FSTL4: variants seen among roughly 807,000 people sequenced by gnomAD.
FSTL4 encodes the protein follistatin like 4, also known as follistatin-related protein 4.
Under a neutral mutation model 78.2 loss-of-function variants are expected in FSTL4, and 28 were observed. That is an observed-to-expected ratio of 0.36 (90% confidence interval 0.27 to 0.49). The LOEUF (loss-of-function observed/expected upper bound fraction) is 0.49, where lower values mean the gene tolerates loss of function less well. Among genes scored for constraint, FSTL4 ranks in the 20% least tolerant of loss-of-function variants. The probability of loss-of-function intolerance (pLI) is 0.98; values close to 1 mark genes in which losing one functional copy is unlikely to be tolerated. For missense variants in FSTL4, 922 were observed against 1,084.9 expected (o/e 0.85, Z 2.11); for synonymous variants, 422 against 440.5 (o/e 0.96, Z 0.53).
chr5:133,618,022 G>A, the FSTL4 span, among the ~76,000 whole-genome samples: 131 of 152,238 alleles, frequency 8.6e-4, no homozygotes, highest in Admixed American at 7.8e-3. Flanking sequence ...GTAGCCCTTC[G>A]TTATCCACGG....
intron 4 of FSTL4, among the ~76,000 whole-genome samples, chr5:133,394,807 G>A (rs1019735433): frequency 6.6e-6 from 1 of 152,258 alleles, no homozygotes; most frequent in Non-Finnish European, 1.5e-5. Context: ...GAAGCCAGCT[G>A]GGCTCCTGAG....
chr5:133,592,507 G>A (rs1174636657), intron 2 of FSTL4, among the ~76,000 whole-genome samples: 2 of 152,144 alleles, frequency 1.3e-5, no homozygotes, highest in Non-Finnish European at 2.9e-5. Flanking sequence ...AAGTGTTTCT[G>A]TTCCTAAGAA....
intron 7 of FSTL4, among the ~76,000 whole-genome samples, chr5:133,239,996 G>A (rs114463196): frequency 1.3e-5 from 2 of 152,222 alleles, no homozygotes; most frequent in Admixed American, 6.5e-5. Flanking sequence ...GTGGCAACAC[G>A]CTGGGATTCC....
intron 7 of FSTL4, among the ~76,000 whole-genome samples, chr5:133,245,146 A>C (rs1752000595): frequency 6.6e-6 from 1 of 151,128 alleles, no homozygotes; most frequent in Non-Finnish European, 1.5e-5. Flanking sequence ...AAAAAAGGCA[A>C]AGTGAAGACA....
intron 3 of FSTL4, among the ~76,000 whole-genome samples, chr5:133,472,235 A>T (rs999875188): frequency 6.6e-6 from 1 of 152,252 alleles, no homozygotes; most frequent in Non-Finnish European, 1.5e-5. Flanking sequence ...TATCCAGCCG[A>T]TCTGTCAATC....
At chr5:133,296,109 T>TC (rs1379718311) in intron 6 of FSTL4, among the ~76,000 whole-genome samples, 2 of 152,060 alleles carry the variant, frequency 1.3e-5, no homozygotes, top group African/African-American at 4.8e-5. Flanking sequence ...CCACCCATGG[T>TC]CTCCTCTGTC....
chr5:133,573,076 C>G (rs529864059), intron 2 of FSTL4, among the ~76,000 whole-genome samples: 3 of 152,044 alleles, frequency 2.0e-5, no homozygotes, highest in South Asian at 4.2e-4. Context: ...AACCCTATCT[C>G]TACTAAAAAT....
chr5:133,539,961 TC>T, intron 3 of FSTL4, among the ~76,000 whole-genome samples: 1 of 151,390 alleles, frequency 6.6e-6, no homozygotes, highest in Middle Eastern at 3.5e-3. Context: ...TTTTTTTTTT[TC>T]TTTGATGAGG....
At chr5:133,488,822 T>C (rs2112865903) in intron 3 of FSTL4, among the ~76,000 whole-genome samples, 1 of 152,142 alleles carries the variant, frequency 6.6e-6, no homozygotes, top group South Asian at 2.1e-4. Context: ...CACCCCAATC[T>C]CATGGGCCCC....
chr5:133,467,573 C>T (rs1489345428), intron 3 of FSTL4, among the ~76,000 whole-genome samples: 1 of 152,180 alleles, frequency 6.6e-6, no homozygotes, highest in Non-Finnish European at 1.5e-5. Context: ...GCAGGGGCTG[C>T]TGCAGAAATC....
chr5:133,486,937 C>T (rs1285154881), intron 3 of FSTL4, among the ~76,000 whole-genome samples: 4 of 152,140 alleles, frequency 2.6e-5, no homozygotes, highest in East Asian at 1.9e-4. Context: ...GGGGAGAATC[C>T]GGGTCCCACC....
the FSTL4 span, among the ~76,000 whole-genome samples, chr5:133,838,787 A>G: frequency 1.1e-4 from 16 of 152,290 alleles, no homozygotes; most frequent in African/African-American, 3.9e-4. Context: ...CTTCACTTCT[A>G]CTGCATTCTG....
chr5:133,462,130 C>G (rs1367054683), intron 3 of FSTL4, among the ~76,000 whole-genome samples: 1 of 152,246 alleles, frequency 6.6e-6, no homozygotes, highest in Admixed American at 6.5e-5. Context: ...AAGGTAGACA[C>G]AGATCTCAAG....
chr5:133,800,335 A>T, the FSTL4 span, among the ~76,000 whole-genome samples: 10 of 138,442 alleles, frequency 7.2e-5, 2 homozygotes, highest in Admixed American at 6.0e-4. Context: ...GGTTTAGGGC[A>T]GGGGTATCCA....
chr5:133,340,748 A>C (rs1018417529), intron 4 of FSTL4, among the ~76,000 whole-genome samples: 10 of 152,222 alleles, frequency 6.6e-5, no homozygotes, highest in African/African-American at 2.2e-4. Context: ...TATTTGATTA[A>C]GTGTCCTCAT....
chr5:133,326,351 G>A (rs1754212034), intron 4 of FSTL4, among the ~76,000 whole-genome samples: 1 of 152,182 alleles, frequency 6.6e-6, no homozygotes, highest in Admixed American at 6.5e-5. Flanking sequence ...ATATGATACA[G>A]TCTTCTCACA....
chr5:133,452,207 A>C (rs1034228925), intron 3 of FSTL4, among the ~76,000 whole-genome samples: 1 of 152,246 alleles, frequency 6.6e-6, no homozygotes, highest in Non-Finnish European at 1.5e-5. Context: ...TAAAAACTCT[A>C]GCTGCATGGC....
intron 1 of FSTL4, among the ~76,000 whole-genome samples, chr5:133,606,493 A>T (rs554939525): frequency 2.0e-5 from 3 of 152,302 alleles, no homozygotes; most frequent in African/African-American, 7.2e-5. Flanking sequence ...TTCTGAATGC[A>T]GAGCCACTTT....
At chr5:133,755,793 C>A in the FSTL4 span, among the ~76,000 whole-genome samples, 2 of 152,206 alleles carry the variant, frequency 1.3e-5, no homozygotes, top group African/African-American at 4.8e-5. Flanking sequence ...CGGGTATAAG[C>A]ATAAAACAAC....
Sources: allele counts gnomAD v4.1 joint callset (sites outside exome capture counted in the v4.1 genomes callset), GRCh38; gene constraint gnomAD v4.1.1; transcripts MANE v1.5; gene names NCBI Gene and HGNC (gene_info 2026-07-23, HGNC 2026-07-21).